RPS19BP1: variants seen among roughly 807,000 people sequenced by gnomAD.
RPS19BP1 encodes the protein ribosomal protein S19 binding protein 1, also known as active regulator of SIRT1.
In RPS19BP1, 14 loss-of-function variants were observed where a neutral mutation model predicts 16.6. The ratio of observed to expected loss-of-function variants is 0.84; its 90% confidence interval spans 0.56 to 1.32. The LOEUF is 1.32. Among genes scored for constraint, RPS19BP1 ranks in the 40% most tolerant of loss-of-function variants. The pLI, the probability that RPS19BP1 is intolerant of heterozygous loss-of-function variation, is 0.00. For missense variants in RPS19BP1, 188 were observed against 178.6 expected, an observed-to-expected ratio of 1.05 and a Z score of -0.30; for synonymous variants, 90 against 77.3, an observed-to-expected ratio of 1.16 and a Z score of -0.86.
At chr22:39,532,578 T>C (rs1439336383) in intron 1 of RPS19BP1, 55 bp from the exon 2 acceptor site, 74 of 1,611,050 alleles carry the variant, frequency 4.6e-5, no homozygotes, top group Non-Finnish European at 6.2e-5. Context: ...AGCGTTCCCA[T>C]GCCACTGGGG....
At chr22:39,529,991 C>T (rs1018363116) in intron 2 of RPS19BP1, 74 bp from the exon 3 acceptor site, 30 of 1,272,226 alleles carry the variant, frequency 2.4e-5, no homozygotes, top group Non-Finnish European at 3.2e-5. Context: ...TGGCCCATGG[C>T]CCTGCCAAAG....
rs1931242593 is a variant in RPS19BP1, at chr22:39,529,404, T to A, written c.*88A>T. On this transcript the variant is annotated 3_prime_UTR_variant, in exon 4 of 4. Coordinates refer to ENST00000334678, the MANE Select transcript of RPS19BP1 (RefSeq NM_194326.4). ...AGGCTGGTCCTGCATCGCCATCTGC[T>A]GGCCGCGCGGCACGGCCGGTTCCTG... 1 of 1,552,568 alleles carries A rather than the reference T, an allele frequency of 6.4e-7. No homozygotes were observed. The highest frequency in any genetic ancestry group is 1.4e-5 in the African/African-American group (1 of 73,500).
intron 2 of RPS19BP1, chr22:39,531,533 C>T (rs943071749): frequency 1.3e-5 from 2 of 152,232 alleles, no homozygotes; most frequent in Admixed American, 1.3e-4. Flanking sequence ...AAACTAGGCT[C>T]CACCTTCACA....
At chr22:39,532,044 C>T (rs1353626564) in intron 2 of RPS19BP1, 3 of 284,946 alleles carry the variant, frequency 1.1e-5, no homozygotes, top group Non-Finnish European at 2.0e-5. Context: ...CACTCTTATA[C>T]ATCCTTCAGC....
At position 39,532,486 on chromosome 22, in the gene RPS19BP1, C is replaced by A. The variant is rs768249926; in HGVS notation, c.90G>T (p.Gly30=). Residue 30 remains glycine (G), a synonymous_variant, in exon 2 of 4, where the codon GGG becomes GGT. Transcript: ENST00000334678. The stretch of plus-strand genomic sequence containing the variant: ...TCTTCCGGGGCCGTTTCACCGGAGC[C>A]CCTCTCGGCTTGGCCTGACCTGGAG... ...RDPPGQAKPR[G]APVKRPRKTK... The A allele has an allele frequency of 5.0e-6, 8 of 1,614,092 alleles. No individual in the cohort carries two copies. Among genetic ancestry groups the A allele is most frequent in the Admixed American group, 1.7e-5 (1 of 60,014 alleles).
chr22:39,530,041 C>T (rs1483437466), intron 2 of RPS19BP1, 124 bp from the exon 3 acceptor site: 4 of 744,230 alleles, frequency 5.4e-6, no homozygotes, highest in African/African-American at 5.3e-5. Context: ...AGCGGCTGGG[C>T]TCTTCTCCAT....
rs757620351 is a variant in RPS19BP1 at position 39,532,540 on chromosome 22, A to T, written c.53-17T>A. On this transcript the variant is annotated splice_polypyrimidine_tract_variant and intron_variant, in intron 1 of 3. Transcript: ENST00000334678. ...CCCGGGGGGCTGTAGGGGAAGAGAG[A>T]GGAAGAGACCCAGGTCAGAGGGCGC... 6.2e-7 allele frequency: 1 copy of T among 1,613,414 alleles called. No homozygotes were observed. The highest frequency in any genetic ancestry group is 8.5e-7 in the Non-Finnish European group (1 of 1,179,774).
At position 39,529,637 on chromosome 22, in the gene RPS19BP1, G is replaced by A. The variant is rs148875460; in HGVS notation, c.280-14C>T. ...CTGGCGCAAAATCTGGCGAGGGTGC[G>A]GGACCGAGGGCCCATCATTTCAAGA... On this transcript the variant is annotated splice_polypyrimidine_tract_variant and intron_variant, in intron 3 of 3. Transcript: ENST00000334678. 4 of 1,613,106 alleles carry A rather than the reference G, an allele frequency of 2.5e-6. No individual in the cohort carries two copies. The highest frequency in any genetic ancestry group is 2.2e-5 in the South Asian group (2 of 91,068).
intron 2 of RPS19BP1, chr22:39,532,097 C>T (rs1320275132): frequency 1.4e-5 from 5 of 364,790 alleles, no homozygotes; most frequent in Non-Finnish European, 2.5e-5. Flanking sequence ...CTGACTTGGC[C>T]TAAGTCCCCA....
In RPS19BP1 at chr22:39,532,712, G is replaced by A. The variant is rs765088508; in HGVS notation, c.27C>T (p.Gly9=). 3 of 1,542,904 alleles carry A rather than the reference G, an allele frequency of 1.9e-6. No individual in the cohort carries two copies. Among genetic ancestry groups the A allele is most frequent in the Non-Finnish European group, 1.7e-6 (2 of 1,146,894 alleles). ...CCTCGGACGCCGCCAGCAGCTCCAG[G>A]CCCCGCCGCAGCAGGGCGGCGGACA... MSAALLRR[G]LELLAASEAP... Residue 9 remains glycine (G), a synonymous_variant, in exon 1 of 4, where the codon GGC becomes GGT. Coordinates refer to ENST00000334678, the MANE Select transcript of RPS19BP1 (RefSeq NM_194326.4).
At chr22:39,531,961 C>T (rs1404906035) in intron 2 of RPS19BP1, 2 of 169,978 alleles carry the variant, frequency 1.2e-5, no homozygotes, top group Non-Finnish European at 1.3e-5. Flanking sequence ...TCAAAGGCAA[C>T]AACCTCCTTT....
rs1275293833 is a variant in RPS19BP1, at chr22:39,529,334, C to A, written c.*158G>T. 1.0e-6 allele frequency: 1 copy of A among 989,098 alleles called. No homozygotes were observed. The highest frequency in any genetic ancestry group is 2.6e-5 in the East Asian group (1 of 38,024). The allele number at this position is 989,098 out of a possible 1,614,324, so 61.3% of individuals were successfully genotyped here. A position where few individuals can be genotyped will look rare whatever the true frequency, so the allele number is the denominator to read the frequency against. On this transcript the variant is annotated 3_prime_UTR_variant, in exon 4 of 4. Coordinates refer to ENST00000334678, the MANE Select transcript of RPS19BP1 (RefSeq NM_194326.4). ...CCCCAGGACTTCCGGCCCACCAGCT[C>A]CATTCCAGCCTCCACTCGGCTCAGC...
chr22:39,532,584 T>G (rs1275098341), intron 1 of RPS19BP1, 61 bp from the exon 2 acceptor site: 7 of 1,610,580 alleles, frequency 4.3e-6, no homozygotes, highest in Admixed American at 3.3e-5. Flanking sequence ...CCCATGCCAC[T>G]GGGGCTAAGC....
chr22:39,532,605 T>C (rs1054211356), intron 1 of RPS19BP1, 82 bp from the exon 2 acceptor site: 45 of 1,607,070 alleles, frequency 2.8e-5, no homozygotes, highest in African/African-American at 2.4e-4. Flanking sequence ...CCGGCCTGGA[T>C]TGTTTTCCAT....
At chr22:39,530,395 A>G (rs993247611) in intron 2 of RPS19BP1, 39 of 222,534 alleles carry the variant, frequency 1.8e-4, no homozygotes, top group African/African-American at 4.5e-4. Context: ...AAGGCCCTGA[A>G]GCAGAAATGT....
At chr22:39,532,141 C>G (rs759138891) in intron 2 of RPS19BP1, 21 of 494,954 alleles carry the variant, frequency 4.2e-5, no homozygotes, top group Non-Finnish European at 6.5e-5. Context: ...TCATAGGCTT[C>G]AATGCACTTA....
At position 39,529,271 on chromosome 22, in the gene RPS19BP1, G is replaced by A. The variant is rs1202937479; in HGVS notation, c.*221C>T. ...CCGGCAGGTGCAGATGCTCTGCCCAGGCCTGCGGAAGCCAGCTCCGGTCTG... is the reference window on the plus strand; with the variant it reads ...CCGGCAGGTGCAGATGCTCTGCCCAAGCCTGCGGAAGCCAGCTCCGGTCTG... On this transcript the variant is annotated 3_prime_UTR_variant, in exon 4 of 4. Coordinates refer to ENST00000334678, the MANE Select transcript of RPS19BP1 (RefSeq NM_194326.4). 4 of 613,248 alleles carry A rather than the reference G, an allele frequency of 6.5e-6. No individual in the cohort carries two copies. In the African/African-American group the frequency reaches 7.4e-5, roughly 11 times the overall value. 38.0% of individuals were successfully genotyped at this position (613,248 alleles called of 1,614,324 possible).
rs369647483 is a variant in RPS19BP1 at position 39,532,537 on chromosome 22, G to A, written c.53-14C>T. On this transcript the variant is annotated splice_polypyrimidine_tract_variant and intron_variant, in intron 1 of 3. Coordinates refer to ENST00000334678, the MANE Select transcript of RPS19BP1 (RefSeq NM_194326.4). ...GGTCCCGGGGGGCTGTAGGGGAAGAGAGAGGAAGAGACCCAGGTCAGAGGG... is the reference window on the plus strand; with the variant it reads ...GGTCCCGGGGGGCTGTAGGGGAAGAAAGAGGAAGAGACCCAGGTCAGAGGG... 9.3e-6 allele frequency: 15 copies of A among 1,613,540 alleles called. 1 individual carries two copies. The South Asian group carries it at 1.3e-4, about 14-fold the overall frequency.
intron 2 of RPS19BP1, chr22:39,530,725 C>CA (rs113260203): frequency 0.04 from 3,564 of 90,142 alleles, 61 homozygotes; most frequent in Middle Eastern, 0.15. Context: ...GACTCCATCT[C>CA]AAAAAAAAAA....
Sources: gnomAD v4.1 joint callset for allele counts on GRCh38, gnomAD v4.1.1 for gene constraint, MANE v1.5 for transcripts, NCBI Gene and HGNC (gene_info 2026-07-23, HGNC 2026-07-21) for gene names.